The following MBIP variants were observed in gnomAD, a reference collection of about 807,000 sequenced individuals.
The protein encoded by MBIP is MAP3K12 binding inhibitory protein 1, also known as MAP3K12-binding inhibitory protein 1.
MBIP carries 32 observed loss-of-function variants against 45.7 expected under a neutral mutation model. That is an observed-to-expected ratio of 0.70 (90% CI 0.53 to 0.94). MBIP has a LOEUF of 0.94. Among genes scored for constraint, MBIP ranks in the 40% least tolerant of loss-of-function variants. The pLI is 0.00. For synonymous variants in MBIP, 145 were observed against 141.0 expected (o/e 1.03, Z -0.20); for missense variants, 381 against 405.5 (o/e 0.94, Z 0.52).
chr14:36,316,855 T>TA, intron 1 of MBIP, 43 bp from the exon 2 acceptor site: 1 of 1,577,268 alleles, frequency 6.3e-7, no homozygotes, highest in Middle Eastern at 1.7e-4. Context: ...ATTACACGAT[T>TA]AAGCTCTACA....
intron 7 of MBIP, among the ~76,000 whole-genome samples, chr14:36,306,278 G>A (rs1217732290): frequency 3.3e-5 from 5 of 151,518 alleles, no homozygotes; most frequent in Non-Finnish European, 7.4e-5. Context: ...TTTTGAGACC[G>A]AGTTTTGCTC....
chr14:36,309,456 G>A (rs982795019), intron 6 of MBIP, among the ~76,000 whole-genome samples: 15 of 152,172 alleles, frequency 9.9e-5, no homozygotes, highest in African/African-American at 3.6e-4. Context: ...TACAATGCAT[G>A]GCAAAGAGCT....
chr14:36,300,676 T>A, intron 8 of MBIP, 109 bp downstream of exon 8: 1 of 736,150 alleles, frequency 1.4e-6, no homozygotes, highest in South Asian at 2.2e-5. Context: ...GTCCTAAATT[T>A]TACCAGGGTA....
intron 2 of MBIP, 117 bp downstream of exon 2, chr14:36,316,576 C>A: frequency 2.2e-6 from 2 of 916,812 alleles, no homozygotes; most frequent in African/African-American, 1.7e-5. Flanking sequence ...ATGTAAATAA[C>A]GTTTTATTAG....
In MBIP at chr14:36,314,608, T is replaced by TTGGG; in HGVS notation, c.475-1_475insCCCA (p.Ile159ProfsTer3). 1 of 1,610,004 alleles carries TTGGG rather than the reference T, an allele frequency of 6.2e-7. No individual in the cohort carries two copies. The highest frequency in any genetic ancestry group is 8.5e-7 in the Non-Finnish European group (1 of 1,178,294). On this transcript the variant is annotated frameshift_variant and splice_region_variant. Coordinates refer to ENST00000416007, the MANE Select transcript of MBIP (RefSeq NM_016586.3). LOFTEE classifies it high-confidence loss of function. ...ATAAATGCAGATATTCGTCTGTCAA[T>TTGGG]CTACAAACAACAAGTTTTAACAGTG...
chr14:36,318,616 ATAAT>A (rs1281723186), intron 1 of MBIP, among the ~76,000 whole-genome samples: 1 of 152,044 alleles, frequency 6.6e-6, no homozygotes, highest in Non-Finnish European at 1.5e-5. Context: ...CTAAAAATAA[ATAAT>A]TGTTTAGCTT....
At chr14:36,315,491 T>C (rs1252461689) in intron 2 of MBIP, among the ~76,000 whole-genome samples, 1 of 151,840 alleles carries the variant, frequency 6.6e-6, no homozygotes, top group Non-Finnish European at 1.5e-5. Context: ...AGACTTTTCC[T>C]GACATGGCAA....
chr14:36,318,061 A>G (rs1880682498), intron 1 of MBIP, among the ~76,000 whole-genome samples: 1 of 152,044 alleles, frequency 6.6e-6, no homozygotes, highest in Non-Finnish European at 1.5e-5. Context: ...ATATATTAAG[A>G]TTGTACATTA....
rs570344839 is a variant in MBIP at position 36,319,252 on chromosome 14, C to T, written c.129+1208G>A. Reference sequence around the variant, plus strand: ...AATAAATAAACTTAAGTTCCAACGTCGCCATAAAAAGTTCTCTAACTTTTA... The same window carrying T: ...AATAAATAAACTTAAGTTCCAACGTTGCCATAAAAAGTTCTCTAACTTTTA... On this transcript the variant is annotated intron_variant, in intron 1 of 8. Transcript: ENST00000416007. Among the ~76,000 whole-genome samples the T allele has an allele frequency of 1.2e-4, 18 of 152,178 alleles. No individual in the cohort carries two copies. The South Asian group carries it at 3.7e-3, about 32-fold the overall frequency.
rs780001355 is a variant in MBIP at position 36,320,635 on chromosome 14, C to T, written c.-47G>A. ...ACCACCACCACCACCAAGATTTGCT[C>T]ACAACCCCGCCCCCTCCCTTCCAGC... On this transcript the variant is annotated 5_prime_UTR_variant, in exon 1 of 9. Coordinates refer to ENST00000416007, the MANE Select transcript of MBIP (RefSeq NM_016586.3). The T allele has an allele frequency of 1.0e-5, 16 of 1,561,540 alleles. No individual in the cohort carries two copies. Among genetic ancestry groups the T allele is most frequent in the East Asian group, 4.6e-5 (2 of 43,922 alleles).
intron 2 of MBIP, among the ~76,000 whole-genome samples, chr14:36,316,334 A>T (rs1880565831): frequency 6.6e-6 from 1 of 152,120 alleles, no homozygotes; most frequent in Admixed American, 6.6e-5. Context: ...GCACTCCATG[A>T]GCCTCCAAAC....
At chr14:36,302,344 T>C (rs963057589) in intron 7 of MBIP, among the ~76,000 whole-genome samples, 11 of 151,904 alleles carry the variant, frequency 7.2e-5, no homozygotes, top group African/African-American at 2.7e-4. Context: ...CACAAACAAC[T>C]AGCCGGGTGT....
Position 36,314,899 on chromosome 14 carries a change from A to C in MBIP, c.266T>G (p.Leu89Arg), listed in dbSNP as rs763848477. The change falls in exon 3 of 9, where the codon CTT (leucine) becomes CGT (arginine). Residue 89 changes from leucine (L) to arginine (R), a missense_variant. Leu to Arg is a moderately radical substitution (Grantham distance 102). Transcript: ENST00000416007. ...ILYLQPFLAK[L>R]QSPIKEENTT... Reference sequence around the variant, plus strand: ...ATTCTCCTCTTTAATCGGAGACTGAAGTTTTGCTAAAAAAGGCTGAGAACA... The same window carrying C: ...ATTCTCCTCTTTAATCGGAGACTGACGTTTTGCTAAAAAAGGCTGAGAACA... 1 of 1,612,692 alleles carries C rather than the reference A, an allele frequency of 6.2e-7. No homozygotes were observed. The highest frequency in any genetic ancestry group is 8.5e-7 in the Non-Finnish European group (1 of 1,179,096).
In MBIP at chr14:36,306,430, A is replaced by T. The variant is rs539726966; in HGVS notation, c.888+1662T>A. Among the ~76,000 whole-genome samples the T allele has an allele frequency of 3.2e-3, 479 of 151,470 alleles. 4 individuals are homozygous for T. Among genetic ancestry groups the T allele is most frequent in the Non-Finnish European group, 4.0e-3 (268 of 67,788 alleles). On this transcript the variant is annotated intron_variant, in intron 7 of 8. Transcript: ENST00000416007. ...CCACCATGCCCAGCTTATTTTTTTT[A>T]TTTTTTATTTTTTTGTATTTTTAGT... is the stretch of plus-strand genomic sequence containing the variant.
chr14:36,310,699 T>C (rs181783693), intron 6 of MBIP, among the ~76,000 whole-genome samples: 1 of 152,238 alleles, frequency 6.6e-6, no homozygotes, highest in African/African-American at 2.4e-5. Context: ...AGGTGCTATA[T>C]AAGATTATAC....
At chr14:36,312,048 A>G (rs968624885) in intron 4 of MBIP, 24 bp from the exon 5 acceptor site, 6 of 1,360,104 alleles carry the variant, frequency 4.4e-6, no homozygotes, top group Non-Finnish European at 6.1e-6. Context: ...AGATAAATAT[A>G]AGTTTAAATA....
intron 8 of MBIP, among the ~76,000 whole-genome samples, chr14:36,299,672 T>C (rs1306046075): frequency 6.6e-6 from 1 of 151,958 alleles, no homozygotes; most frequent in African/African-American, 2.4e-5. Flanking sequence ...AGAAGAAAAA[T>C]GCTAATTATA....
At position 36,299,029 on chromosome 14, in the gene MBIP, T is replaced by C. The variant is rs1469415850; in HGVS notation, c.*54A>G. 1 of 1,213,292 alleles carries C rather than the reference T, an allele frequency of 8.2e-7. No homozygotes were observed. The highest frequency in any genetic ancestry group is 1.2e-6 in the Non-Finnish European group (1 of 817,796). The allele number at this position is 1,213,292 out of a possible 1,614,324, so 75.2% of individuals were successfully genotyped here. ...TATATCCGTTGAATTAATAACAGTG[T>C]AAGTTACACATATGTATACAAAAAA... is the stretch of plus-strand genomic sequence containing the variant. On this transcript the variant is annotated 3_prime_UTR_variant, in exon 9 of 9. Coordinates refer to ENST00000416007, the MANE Select transcript of MBIP (RefSeq NM_016586.3).
intron 4 of MBIP, 89 bp downstream of exon 4, chr14:36,314,423 A>G: frequency 1.4e-6 from 1 of 737,728 alleles, no homozygotes; most frequent in East Asian, 2.8e-5. Context: ...GTGTTCTAAA[A>G]GCTATTCATT....
Sources: gnomAD v4.1 joint callset for allele counts (sites outside exome capture counted in the v4.1 genomes callset) on GRCh38, gnomAD v4.1.1 for gene constraint, MANE v1.5 for transcripts, NCBI Gene and HGNC (gene_info 2026-07-23, HGNC 2026-07-21) for gene names.